The following STAG1 variants were observed in gnomAD, a reference collection of about 807,000 sequenced individuals.
STAG1 encodes STAG1 cohesin complex component.
In STAG1, 26 loss-of-function variants were observed where a neutral mutation model predicts 170.9. The ratio of observed to expected loss-of-function variants is 0.15; its 90% CI spans 0.11 to 0.21. The LOEUF is 0.21. STAG1 is among the 10% of genes least tolerant of loss of function. The pLI is 1.00. For missense variants in STAG1, 964 were observed against 1,509.5 expected (o/e 0.64, Z 5.99); for synonymous variants, 514 against 497.7 (o/e 1.03, Z -0.44).
At chr3:136,590,114 C>T (rs1157659573) in intron 4 of STAG1, among the ~76,000 whole-genome samples, 1 of 151,520 alleles carries the variant, frequency 6.6e-6, no homozygotes, top group East Asian at 1.9e-4. Context: ...CAGAGTGAGA[C>T]TCCGTCTCTA....
intron 15 of STAG1, among the ~76,000 whole-genome samples, chr3:136,438,700 C>T (rs1279480439): frequency 1.3e-5 from 2 of 151,912 alleles, no homozygotes; most frequent in East Asian, 3.9e-4. Flanking sequence ...ATGTAAGCTC[C>T]ATATTGGCAG....
intron 26 of STAG1, among the ~76,000 whole-genome samples, chr3:136,361,500 C>G (rs1936860930): frequency 6.6e-6 from 1 of 152,130 alleles, no homozygotes. Flanking sequence ...AAACTGTCTT[C>G]TAACAAGGCA....
At chr3:136,356,663 C>A (rs1321315307) in intron 28 of STAG1, among the ~76,000 whole-genome samples, 1 of 152,188 alleles carries the variant, frequency 6.6e-6, no homozygotes, top group East Asian at 1.9e-4. Context: ...ATCACTGCAC[C>A]CAGCTAGAAT....
chr3:136,517,435 C>A (rs1165283576), intron 7 of STAG1, among the ~76,000 whole-genome samples: 1 of 152,006 alleles, frequency 6.6e-6, no homozygotes, highest in African/African-American at 2.4e-5. Flanking sequence ...CATTACTCAG[C>A]CTGAATGTTG....
intron 1 of STAG1, among the ~76,000 whole-genome samples, chr3:136,704,821 C>CAAAAAAAAAA (rs67207510): frequency 1.4e-4 from 7 of 51,440 alleles, no homozygotes; most frequent in Non-Finnish European, 1.8e-4. Flanking sequence ...GTCCCTGTCT[C>CAAAAAAAAAA]AAAAAAAAAA....
intron 7 of STAG1, among the ~76,000 whole-genome samples, chr3:136,514,330 A>G (rs1934236597): frequency 6.6e-6 from 1 of 152,198 alleles, no homozygotes; most frequent in African/African-American, 2.4e-5. Context: ...ATCACTGGTC[A>G]TCGGAGAAAT....
intron 5 of STAG1, among the ~76,000 whole-genome samples, chr3:136,550,228 G>A (rs1256031493): frequency 6.6e-6 from 1 of 151,948 alleles, no homozygotes; most frequent in Non-Finnish European, 1.5e-5. Flanking sequence ...TAAATGTTTG[G>A]CGAAAGTCAC....
chr3:136,586,089 C>T (rs375136966), intron 4 of STAG1, among the ~76,000 whole-genome samples: 2 of 152,102 alleles, frequency 1.3e-5, no homozygotes, highest in Non-Finnish European at 2.9e-5. Flanking sequence ...AAGTTAGGTT[C>T]CCTCTTTGAA....
At chr3:136,736,479 G>A in intron 1 of STAG1, 3 of 1,318,762 alleles carry the variant, frequency 2.3e-6, no homozygotes, top group Non-Finnish European at 3.3e-6. Context: ...TTCTGTGCCT[G>A]TGACCCCGGG....
intron 4 of STAG1, among the ~76,000 whole-genome samples, chr3:136,573,576 T>C (rs1937345162): frequency 6.6e-6 from 1 of 151,324 alleles, no homozygotes; most frequent in Non-Finnish European, 1.5e-5. Context: ...CCAAAAAAAA[T>C]ATTTCAAATA....
At chr3:136,718,506 G>A (rs1933002562) in intron 1 of STAG1, among the ~76,000 whole-genome samples, 1 of 152,110 alleles carries the variant, frequency 6.6e-6, no homozygotes, top group Non-Finnish European at 1.5e-5. Flanking sequence ...TGACATACTT[G>A]TATTTTATTA....
At chr3:136,551,760 T>C (rs1415176634) in intron 5 of STAG1, among the ~76,000 whole-genome samples, 1 of 152,000 alleles carries the variant, frequency 6.6e-6, no homozygotes, top group Non-Finnish European at 1.5e-5. Context: ...CACACCTGGC[T>C]AATTTTTCTA....
intron 6 of STAG1, among the ~76,000 whole-genome samples, chr3:136,531,907 T>TAAAAAAA (rs58322006): frequency 3.3e-5 from 3 of 90,324 alleles, no homozygotes; most frequent in Non-Finnish European, 5.1e-5. Flanking sequence ...ACTTAAAGTA[T>TAAAAAAA]AAAAAAAAAA....
chr3:136,409,819 T>A (rs989578037), intron 21 of STAG1, among the ~76,000 whole-genome samples: 4 of 152,184 alleles, frequency 2.6e-5, no homozygotes, highest in Non-Finnish European at 5.9e-5. Flanking sequence ...GGCTTATGTC[T>A]GTAATGCCAG....
At chr3:136,526,766 G>A (rs1290644357) in intron 6 of STAG1, among the ~76,000 whole-genome samples, 4 of 152,116 alleles carry the variant, frequency 2.6e-5, no homozygotes, top group African/African-American at 9.7e-5. Flanking sequence ...CTTCCTTCAG[G>A]AGCTCTTGTA....
intron 5 of STAG1, among the ~76,000 whole-genome samples, chr3:136,542,901 C>T (rs978413113): frequency 3.3e-5 from 5 of 152,020 alleles, no homozygotes; most frequent in South Asian, 2.1e-4. Flanking sequence ...AAAAGTTTCC[C>T]GGTATCAGAC....
intron 24 of STAG1, among the ~76,000 whole-genome samples, chr3:136,368,745 G>A (rs973244634): frequency 1.7e-4 from 26 of 152,144 alleles, no homozygotes; most frequent in South Asian, 6.2e-4. Flanking sequence ...ATAACGACAG[G>A]AAAAGATCTG....
chr3:136,523,171 T>C (rs1230914297), intron 6 of STAG1, among the ~76,000 whole-genome samples: 1 of 152,182 alleles, frequency 6.6e-6, no homozygotes, highest in Non-Finnish European at 1.5e-5. Context: ...TTGAACTAGT[T>C]TACAGTCCCA....
intron 5 of STAG1, among the ~76,000 whole-genome samples, chr3:136,551,255 GA>G (rs1936384620): frequency 4.6e-4 from 65 of 142,328 alleles, no homozygotes; most frequent in East Asian, 4.1e-3. Flanking sequence ...GAGAGAGAGA[GA>G]GAGAGGGAGA....
Sources: allele counts gnomAD v4.1 joint callset (sites outside exome capture counted in the v4.1 genomes callset), GRCh38; gene constraint gnomAD v4.1.1; transcripts MANE v1.5; gene names NCBI Gene and HGNC (gene_info 2026-07-23, HGNC 2026-07-21).